ABL1: variants seen among roughly 807,000 people sequenced by gnomAD.
ABL1 encodes the protein ABL proto-oncogene 1, non-receptor tyrosine kinase, also known as tyrosine-protein kinase ABL1.
Under a neutral mutation model 94.7 loss-of-function variants are expected in ABL1, and 11 were observed. The observed-to-expected ratio is 0.12, with a 90% CI of 0.07 to 0.19. The LOEUF is 0.19. ABL1 is among the 10% of genes least tolerant of loss of function. The probability of loss-of-function intolerance (pLI) is 1.00; values close to 1 mark genes in which losing one functional copy is unlikely to be tolerated. For missense variants in ABL1, 1,082 were observed against 1,489.4 expected (o/e 0.73, Z 4.50); for synonymous variants, 656 against 622.4 (o/e 1.05, Z -0.80).
At chr9:130,875,092 A>G (rs565685122) in intron 7 of ABL1, 40 bp downstream of exon 7, 5 of 1,571,484 alleles carry the variant, frequency 3.2e-6, no homozygotes, top group Admixed American at 1.9e-5. Context: ...CTTCCTGACT[A>G]CAGGAGGGTT....
At chr9:130,855,156 C>A in intron 3 of ABL1, 60 bp downstream of exon 3, 3 of 1,515,116 alleles carry the variant, frequency 2.0e-6, no homozygotes, top group Non-Finnish European at 2.7e-6. Flanking sequence ...AGAGGTCCTG[C>A]TGTCGGATTG....
At chr9:130,830,275 T>G (rs1443255006), upstream of ABL1, among the ~76,000 whole-genome samples, 1 of 152,200 alleles carries the variant, frequency 6.6e-6, no homozygotes, top group African/African-American at 2.4e-5. Context: ...CAGTTCAGAT[T>G]TGGTCCCCAG....
chr9:130,795,629 A>G (rs1829964309), intron 1 of ABL1, among the ~76,000 whole-genome samples: 1 of 152,216 alleles, frequency 6.6e-6, no homozygotes, highest in Admixed American at 6.5e-5. Context: ...GTCTCAATGG[A>G]CAAAACAGAT....
intron 4 of ABL1, among the ~76,000 whole-genome samples, chr9:130,869,815 T>C (rs1264583115): frequency 6.6e-6 from 1 of 152,132 alleles, no homozygotes; most frequent in Non-Finnish European, 1.5e-5. Context: ...TAGGCTGTTT[T>C]GTTGTTGTTG....
intron 1 of ABL1, among the ~76,000 whole-genome samples, chr9:130,763,324 T>C (rs546144300): frequency 1.3e-5 from 1 of 78,804 alleles, no homozygotes; most frequent in Non-Finnish European, 2.1e-5. Flanking sequence ...ATTTTTGTGG[T>C]TTTTTTTCAT....
intron 3 of ABL1, among the ~76,000 whole-genome samples, chr9:130,857,375 C>G (rs1830991228): frequency 1.3e-5 from 2 of 152,236 alleles, no homozygotes; most frequent in Non-Finnish European, 1.5e-5. Flanking sequence ...CTTTGTCACT[C>G]TGACTGGTAA....
Position 130,836,956 on chromosome 9 carries a change from T to A in ABL1, c.79+1431T>A, listed in dbSNP as rs374982784. On this transcript the variant is annotated intron_variant, in intron 1 of 10. Coordinates refer to ENST00000318560, the MANE Select transcript of ABL1 (RefSeq NM_005157.6). ...AAATAAACAGGCCTCATTTATTTTC[T>A]AACCTATTTTTCTTTCCTTAACCTC... Among the ~76,000 whole-genome samples the A allele has an allele frequency of 6.0e-4, 91 of 152,218 alleles. 1 individual carries two copies. The highest frequency in any genetic ancestry group is 2.1e-3 in the African/African-American group (89 of 41,458).
At chr9:130,849,948 G>A (rs1830830687) in intron 1 of ABL1, among the ~76,000 whole-genome samples, 1 of 152,176 alleles carries the variant, frequency 6.6e-6, no homozygotes. Flanking sequence ...CTGCCTCACA[G>A]TTTTTCTAAT....
chr9:130,753,074 G>A (rs897233158), intron 1 of ABL1, among the ~76,000 whole-genome samples: 1 of 151,712 alleles, frequency 6.6e-6, no homozygotes, highest in African/African-American at 2.4e-5. Context: ...GGCTAACACG[G>A]TGAAACCCCG....
intron 1 of ABL1, among the ~76,000 whole-genome samples, chr9:130,796,785 C>A (rs1370821411): frequency 2.0e-5 from 3 of 150,652 alleles, no homozygotes; most frequent in East Asian, 1.9e-4. Flanking sequence ...AACAAAAAAA[C>A]TTTTTTTGCC....
intron 1 of ABL1, among the ~76,000 whole-genome samples, chr9:130,801,801 T>C (rs1279324847): frequency 6.6e-6 from 1 of 152,186 alleles, no homozygotes; most frequent in Non-Finnish European, 1.5e-5. Flanking sequence ...TTAATACCTG[T>C]TCCCATACCT....
At chr9:130,840,943 A>G (rs1439246867) in intron 1 of ABL1, among the ~76,000 whole-genome samples, 2 of 152,256 alleles carry the variant, frequency 1.3e-5, no homozygotes, top group Non-Finnish European at 2.9e-5. Flanking sequence ...CAAAGCCATT[A>G]GGAAGAATAG....
At chr9:130,724,993 C>T (rs558238472) in intron 1 of ABL1, 5 of 301,968 alleles carry the variant, frequency 1.7e-5, no homozygotes, top group African/African-American at 4.3e-5. Context: ...CCACAGTGGC[C>T]GCACAACGTG....
Position 130,886,012 on chromosome 9 carries a change from T to G in ABL1, c.*329T>G, listed in dbSNP as rs1023988636. The stretch of plus-strand genomic sequence containing the variant: ...CCCAGACTGAGCTCTCCAGGCCAGG[T>G]GGGAACGGCTGATGTGGACTGTCTT... On this transcript the variant is annotated 3_prime_UTR_variant, in exon 11 of 11. Coordinates refer to ENST00000318560, the MANE Select transcript of ABL1 (RefSeq NM_005157.6). 5.9e-6 allele frequency: 2 copies of G among 337,128 alleles called. No individual in the cohort carries two copies. Among genetic ancestry groups the G allele is most frequent in the Non-Finnish European group, 1.1e-5 (2 of 184,238 alleles). 20.9% of individuals were successfully genotyped at this position (337,128 alleles called of 1,614,324 possible). A position where few individuals can be genotyped will look rare whatever the true frequency, so the allele number is the denominator to read the frequency against.
intron 1 of ABL1, among the ~76,000 whole-genome samples, chr9:130,819,787 C>T (rs1463635841): frequency 1.3e-5 from 2 of 151,958 alleles, no homozygotes; most frequent in African/African-American, 4.8e-5. Context: ...GTGATCCGCC[C>T]GCCTCAGCCT....
chr9:130,724,081 A>G (rs1831548587), intron 1 of ABL1, among the ~76,000 whole-genome samples: 1 of 151,988 alleles, frequency 6.6e-6, no homozygotes, highest in South Asian at 2.1e-4. Context: ...AAGTGCTGGG[A>G]TTACAGGCGT....
intron 4 of ABL1, among the ~76,000 whole-genome samples, chr9:130,865,419 A>G (rs550846383): frequency 4.3e-4 from 66 of 152,216 alleles, no homozygotes; most frequent in Non-Finnish European, 5.6e-4. Context: ...GTCAAATAAG[A>G]TTAGTGTAAA....
At chr9:130,752,711 C>A (rs1831981295) in intron 1 of ABL1, among the ~76,000 whole-genome samples, 2 of 152,178 alleles carry the variant, frequency 1.3e-5, no homozygotes, top group African/African-American at 4.8e-5. Flanking sequence ...GTAATCCCAG[C>A]ACTTTGGGAG....
intron 1 of ABL1, among the ~76,000 whole-genome samples, chr9:130,759,817 G>A (rs1017577245): frequency 6.6e-5 from 10 of 152,088 alleles, no homozygotes; most frequent in African/African-American, 2.2e-4. Flanking sequence ...TCCTGAAACA[G>A]GGTCTCACTC....
Sources: gnomAD v4.1 joint callset for allele counts (sites outside exome capture counted in the v4.1 genomes callset) on GRCh38, gnomAD v4.1.1 for gene constraint, MANE v1.5 for transcripts, NCBI Gene and HGNC (gene_info 2026-07-23, HGNC 2026-07-21) for gene names.